The following ELL3 variants were observed in gnomAD, a reference collection of about 807,000 sequenced individuals.
The protein encoded by ELL3 is RNA polymerase II elongation factor ELL3.
In ELL3, 48 loss-of-function variants were observed where a neutral mutation model predicts 58.5. The observed-to-expected ratio is 0.82, with a 90% CI of 0.65 to 1.04. The LOEUF (loss-of-function observed/expected upper bound fraction) is 1.04, where lower values mean the gene tolerates loss of function less well. ELL3 is among the 50% of genes least tolerant of loss of function. ELL3 has a pLI of 0.00. For missense variants in ELL3, 458 were observed against 478.4 expected (o/e 0.96, Z 0.40); for synonymous variants, 174 against 173.2 (o/e 1.00, Z -0.04).
intron 5 of ELL3, 53 bp from the exon 6 acceptor site, chr15:43,775,434 C>G: frequency 1.2e-6 from 2 of 1,607,270 alleles, no homozygotes; most frequent in Non-Finnish European, 1.7e-6. Context: ...GGAGGTGGAA[C>G]TGGATCTTTT....
chr15:43,773,052 G>T lies in ELL3; in HGVS notation c.*64C>A. 1 of 1,442,212 alleles carries T rather than the reference G, an allele frequency of 6.9e-7. No homozygotes were observed. Among genetic ancestry groups the T allele is most frequent in the Non-Finnish European group, 9.4e-7 (1 of 1,061,038 alleles). 89.3% of individuals were successfully genotyped at this position (1,442,212 alleles called of 1,614,324 possible). A position where few individuals can be genotyped will look rare whatever the true frequency, so the allele number is the denominator to read the frequency against. ...AAAGCAGATAGTTGCATTCTATTTA[G>T]TTTATAGCTGCTTTGTTCCTTTGTG... On this transcript the variant is annotated 3_prime_UTR_variant, in exon 11 of 11. Transcript: ENST00000319359.
rs1758883802 is a variant in ELL3 at position 43,772,914 on chromosome 15, T to G, written c.*202A>C. On this transcript the variant is annotated 3_prime_UTR_variant, in exon 11 of 11. Transcript: ENST00000319359. ...CTTTTCCTAGACTCCTAGGCACAGC[T>G]ATGGAGTCTTTGCACAGTGCCCATA... 2.1e-6 allele frequency: 1 copy of G among 473,818 alleles called. No individual in the cohort carries two copies. The highest frequency in any genetic ancestry group is 2.0e-5 in the African/African-American group (1 of 50,052). The allele number at this position is 473,818 out of a possible 1,614,324, so 29.4% of individuals were successfully genotyped here.
Position 43,773,146 on chromosome 15 carries a change from C to G in ELL3, c.1164G>C (p.Leu388=). 6.2e-7 allele frequency: 1 copy of G among 1,612,110 alleles called. No individual in the cohort carries two copies. Among genetic ancestry groups the G allele is most frequent in the African/African-American group, 1.3e-5 (1 of 74,806 alleles). Residue 388 remains leucine (L), a synonymous_variant, in exon 11 of 11, where the codon CTG becomes CTC. Transcript: ENST00000319359. ...QKLSHIKGLI[L]EFEEKNRGS is the part of the protein sequence containing the mutation. ...TGCCCCTGTTCTTTTCCTCAAACTC[C>G]AGGATGAGACCTTTAATGTGGGACA... is the stretch of plus-strand genomic sequence containing the variant.
In ELL3 at chr15:43,775,891, G is replaced by A; in HGVS notation, c.314C>T (p.Ser105Leu). ...CCAAATAATGAGGCGCTCCCTGAGTGAGCCCAGGCAGTGGAGGCTGTTAGG... is the reference window on the plus strand; with the variant it reads ...CCAAATAATGAGGCGCTCCCTGAGTAAGCCCAGGCAGTGGAGGCTGTTAGG... Reference protein sequence around the residue: ...SGPNSLHCLGSLRERLIIWAA... With the variant: ...SGPNSLHCLGLLRERLIIWAA... The change falls in exon 4 of 11, where the codon TCA becomes TTA. Residue 105 changes from serine (S) to leucine (L), a missense_variant. By Grantham distance (145) the Ser-to-Leu change is moderately radical. Transcript: ENST00000319359. 2 of 1,614,188 alleles carry A rather than the reference G, an allele frequency of 1.2e-6. No homozygotes were observed. Among genetic ancestry groups the A allele is most frequent in the Non-Finnish European group, 1.7e-6 (2 of 1,180,036 alleles).
chr15:43,774,454 T>A (rs757029051), intron 8 of ELL3, 22 bp downstream of exon 8: 3 of 1,613,644 alleles, frequency 1.9e-6, no homozygotes, highest in Non-Finnish European at 2.5e-6. Context: ...CTTGATGAAA[T>A]TGGAAAAAGC....
Position 43,775,563 on chromosome 15 carries a change from T to G in ELL3, c.531A>C (p.Pro177=), listed in dbSNP as rs909782821. ...GTGCCATGTGCTCCCTTGAGGATCC[T>G]GGGAGTGACTGTCCTTGGTTGCTTG... The part of the protein sequence containing the change: ...PLASNQGQSL[P]GSSREHMAQW... Residue 177 remains proline (P), a synonymous_variant, in exon 5 of 11, where the codon CCA becomes CCC. Transcript: ENST00000319359. 2 of 1,614,100 alleles carry G rather than the reference T, an allele frequency of 1.2e-6. No individual in the cohort carries two copies. The highest frequency in any genetic ancestry group is 2.7e-5 in the African/African-American group (2 of 74,934).
intron 1 of ELL3, 57 bp from the exon 2 acceptor site, chr15:43,776,601 T>C (rs1344610264): frequency 3.2e-6 from 5 of 1,552,656 alleles, no homozygotes; most frequent in Non-Finnish European, 4.4e-6. Flanking sequence ...GTCCCCAGGA[T>C]CCGGCGTCCG....
In ELL3 at chr15:43,776,037, AC is replaced by A. The variant is rs771134985; in HGVS notation, c.281+1del. On this transcript the variant is annotated splice_donor_variant, in intron 3 of 10. Transcript: ENST00000319359. LOFTEE classifies it high-confidence loss of function. ...TCTTGCCGGCTACCTGTTCCCCCTC[AC>A]CTGAGGAAGCGTTGGCACACAAGGT... 1 of 1,613,514 alleles carries A rather than the reference AC, an allele frequency of 6.2e-7. No homozygotes were observed.
Position 43,774,625 on chromosome 15 carries a change from C to G in ELL3, c.794G>C (p.Arg265Thr), listed in dbSNP as rs2086901258. Residue 265 changes from arginine to threonine, a missense_variant, in exon 7 of 11, where the codon AGA becomes ACA. Transcript: ENST00000319359. ...WEQEDEDMDP[R>T]LEHSSSVQED... ...TTGAACTGAGGAACTGTGTTCTAAT[C>G]TGGGGTCCATGTCCTCATCTTCTTG... 8 of 1,614,044 alleles carry G rather than the reference C, an allele frequency of 5.0e-6. No homozygotes were observed. The highest frequency in any genetic ancestry group is 1.3e-5 in the African/African-American group (1 of 74,918).
Position 43,776,812 on chromosome 15 carries a change from G to A in ELL3, c.90C>T (p.Asn30=), listed in dbSNP as rs1233362775. 2 of 1,611,578 alleles carry A rather than the reference G, an allele frequency of 1.2e-6. No individual in the cohort carries two copies. Among genetic ancestry groups the A allele is most frequent in the Non-Finnish European group, 8.5e-7 (1 of 1,178,888 alleles). The change falls in exon 1 of 11, where the codon AAC becomes AAT. Residue 30 remains asparagine, a synonymous_variant. Coordinates refer to ENST00000319359, the MANE Select transcript of ELL3 (RefSeq NM_025165.3). ...ARTSLLLLRL[N]DAALRALQEC... ...CTTGCAGCGCCCGCAGGGCAGCGTC[G>A]TTGAGCCTGAGCAGTAAGAGGCTAG...
intron 9 of ELL3, 113 bp from the exon 10 acceptor site, chr15:43,773,461 A>T: frequency 9.0e-7 from 1 of 1,109,218 alleles, no homozygotes; most frequent in Non-Finnish European, 1.3e-6. Flanking sequence ...AGGCAGGCAG[A>T]TAACGAGGTC....
At position 43,776,794 on chromosome 15, in the gene ELL3, C is replaced by A. The variant is rs758554092; in HGVS notation, c.108G>T (p.Ala36=). The change falls in exon 1 of 11, where the codon GCG becomes GCT. Residue 36 remains alanine, a synonymous_variant. Coordinates refer to ENST00000319359, the MANE Select transcript of ELL3 (RefSeq NM_025165.3). ...LLRLNDAALR[A]LQECQRQQVR... ...CCTGTTGCCGCTGACACTCTTGCAG[C>A]GCCCGCAGGGCAGCGTCGTTGAGCC... 1.9e-6 allele frequency: 3 copies of A among 1,609,166 alleles called. No individual in the cohort carries two copies. The South Asian group carries it at 3.3e-5, about 18-fold the overall frequency.
intron 6 of ELL3, 129 bp from the exon 7 acceptor site, chr15:43,774,902 G>GCGATCCCCCCACC: frequency 9.8e-7 from 1 of 1,023,196 alleles, no homozygotes; most frequent in Non-Finnish European, 1.4e-6. Flanking sequence ...AGAGGCTCAG[G>GCGATCCCCCCACC]TGGGGGGATC....
In ELL3 at chr15:43,773,029, A is replaced by G; in HGVS notation, c.*87T>C. On this transcript the variant is annotated 3_prime_UTR_variant, in exon 11 of 11. Transcript: ENST00000319359. ...GGACTCCAGTGGTCAGCATAAGAAA[A>G]GCAGATAGTTGCATTCTATTTAGTT... 7.9e-7 allele frequency: 1 copy of G among 1,261,046 alleles called. No individual in the cohort carries two copies. The highest frequency in any genetic ancestry group is 1.1e-6 in the Non-Finnish European group (1 of 902,380). 78.1% of individuals were successfully genotyped at this position (1,261,046 alleles called of 1,614,324 possible).
chr15:43,776,258 C>T, intron 2 of ELL3, 107 bp from the exon 3 acceptor site: 1 of 1,186,284 alleles, frequency 8.4e-7, no homozygotes, highest in Non-Finnish European at 1.2e-6. Context: ...ACGGGTCCCA[C>T]AGGGCTTGTT....
At chr15:43,776,567 A>C in intron 1 of ELL3, 23 bp from the exon 2 acceptor site, 8 of 1,564,556 alleles carry the variant, frequency 5.1e-6, no homozygotes, top group Non-Finnish European at 6.9e-6. Flanking sequence ...CGAAGATGTG[A>C]CCGTTGAGCG....
chr15:43,776,534 A>G lies in ELL3; in HGVS notation c.143T>C (p.Val48Ala), dbSNP rs1596029416. Residue 48 changes from valine (V) to alanine (A), a missense_variant, in exon 2 of 11, where the codon GTG becomes GCG. Transcript: ENST00000319359. The stretch of plus-strand genomic sequence containing the variant: ...CCCTCGGTGGCCTTGGAAAGCAATC[A>G]CCGGCCGTACCTGCGGGGAGAGCGA... ...QECQRQQVRPVIAFQGHRGYL... is the reference protein window; with the variant it reads ...QECQRQQVRPAIAFQGHRGYL... 3 of 1,567,708 alleles carry G rather than the reference A, an allele frequency of 1.9e-6. No individual in the cohort carries two copies. The highest frequency in any genetic ancestry group is 2.6e-6 in the Non-Finnish European group (3 of 1,154,714).
intron 2 of ELL3, 147 bp from the exon 3 acceptor site, chr15:43,776,298 C>T (rs1466315080): frequency 9.3e-7 from 1 of 1,076,504 alleles, no homozygotes; most frequent in African/African-American, 1.6e-5. Context: ...GGCCTGAGTT[C>T]CCCAGGAGGC....
Position 43,772,765 on chromosome 15 carries a change from G to A in ELL3, c.*351C>T, listed in dbSNP as rs1453372162. 1 of 178,228 alleles carries A rather than the reference G, an allele frequency of 5.6e-6. No individual in the cohort carries two copies. The highest frequency in any genetic ancestry group is 2.4e-5 in the African/African-American group (1 of 42,520). 11.0% of individuals were successfully genotyped at this position (178,228 alleles called of 1,614,324 possible). A position where few individuals can be genotyped will look rare whatever the true frequency, so the allele number is the denominator to read the frequency against. On this transcript the variant is annotated 3_prime_UTR_variant, in exon 11 of 11. Coordinates refer to ENST00000319359, the MANE Select transcript of ELL3 (RefSeq NM_025165.3). ...TACTGTTTCCTTAGAGAGGCTACCA[G>A]GCTAAAATTCACTTAGTTTGGTTTG...
Sources: gnomAD v4.1 joint callset for allele counts on GRCh38, gnomAD v4.1.1 for gene constraint, MANE v1.5 for transcripts, NCBI Gene and HGNC (gene_info 2026-07-23, HGNC 2026-07-21) for gene names.